Variants in ASAP1 observed in about 807,000 individuals in gnomAD.
ASAP1 encodes the protein arf-GAP with SH3 domain, ANK repeat and PH domain-containing protein 1.
ASAP1 carries 43 observed loss-of-function variants against 145.2 expected under a neutral mutation model. That is an observed-to-expected ratio of 0.30 (90% CI 0.23 to 0.38). ASAP1 has a LOEUF of 0.38. Ranked by LOEUF, ASAP1 falls within the 10% of genes least tolerant of loss-of-function variation. ASAP1 has a pLI of 1.00. For missense variants in ASAP1, 1,018 were observed against 1,355.3 expected, an observed-to-expected ratio of 0.75 and a Z score of 3.91; for synonymous variants, 546 against 515.5, an observed-to-expected ratio of 1.06 and a Z score of -0.80.
At chr8:130,126,152 C>G (rs2097574639) in intron 16 of ASAP1, 63 bp from the exon 17 acceptor site, 1 of 1,475,494 alleles carries the variant, frequency 6.8e-7, no homozygotes, top group African/African-American at 1.4e-5. Context: ...GTGCCAACTA[C>G]AGAGGAAGCT....
chr8:130,219,951 G>A (rs1381459688), intron 4 of ASAP1, among the ~76,000 whole-genome samples: 3 of 152,044 alleles, frequency 2.0e-5, no homozygotes, highest in Non-Finnish European at 1.5e-5. Context: ...CATCATGACC[G>A]GCTAATTTTT....
intron 26 of ASAP1, among the ~76,000 whole-genome samples, chr8:130,077,074 T>C (rs765893289): frequency 5.9e-5 from 9 of 152,140 alleles, no homozygotes; most frequent in Non-Finnish European, 7.4e-5. Context: ...AATGGGGGTG[T>C]TGGCGGCTGG....
intron 24 of ASAP1, among the ~76,000 whole-genome samples, chr8:130,106,240 C>T (rs1265055159): frequency 6.6e-6 from 1 of 152,168 alleles, no homozygotes; most frequent in Non-Finnish European, 1.5e-5. Context: ...AGGGTGACAG[C>T]CTATGAGAAG....
At chr8:130,343,963 A>G (rs963982301) in intron 3 of ASAP1, among the ~76,000 whole-genome samples, 11 of 152,240 alleles carry the variant, frequency 7.2e-5, no homozygotes, top group Non-Finnish European at 1.5e-4. Flanking sequence ...CTTATGGATG[A>G]CTTTTAAATT....
chr8:130,128,717 A>G (rs2097578939), intron 15 of ASAP1, among the ~76,000 whole-genome samples: 1 of 152,222 alleles, frequency 6.6e-6, no homozygotes, highest in South Asian at 2.1e-4. Context: ...TGTCCCAAAC[A>G]AAATAACCCT....
At chr8:130,119,281 T>C (rs1177824935) in intron 18 of ASAP1, among the ~76,000 whole-genome samples, 1 of 152,054 alleles carries the variant, frequency 6.6e-6, no homozygotes, top group Non-Finnish European at 1.5e-5. Flanking sequence ...AAACTAAGGC[T>C]CAGAAAGGCT....
chr8:130,284,534 G>T (rs982129244), intron 3 of ASAP1, among the ~76,000 whole-genome samples: 4 of 151,920 alleles, frequency 2.6e-5, no homozygotes, highest in Non-Finnish European at 5.9e-5. Flanking sequence ...AAACTAAAAG[G>T]GATGCGCCCA....
At position 130,128,038 on chromosome 8, in the gene ASAP1, G is replaced by C. The variant is rs565525997; in HGVS notation, c.1270C>G (p.Arg424Gly). ...SKEEALTMAF[R>G]GEQSAGENSL... is the part of the protein sequence containing the mutation. ...TTCTCTCCCGCACTCTGCTCTCCAC[G>C]GAAGGCCATGGTTAGGGCCTCTTCT... Residue 424 changes from arginine to glycine, a missense_variant, in exon 16 of 30, where the codon CGT (arginine) becomes GGT (glycine). Coordinates refer to ENST00000518721, the MANE Select transcript of ASAP1 (RefSeq NM_018482.4). 6.2e-7 allele frequency: 1 copy of C among 1,613,374 alleles called. No homozygotes were observed. Among genetic ancestry groups the C allele is most frequent in the East Asian group, 2.2e-5 (1 of 44,816 alleles).
intron 24 of ASAP1, among the ~76,000 whole-genome samples, chr8:130,093,207 T>C (rs1036950738): frequency 2.0e-5 from 3 of 152,176 alleles, no homozygotes; most frequent in Admixed American, 6.5e-5. Context: ...TTTTAAAAGC[T>C]GTTAAGGGAG....
chr8:130,371,999 T>C (rs1346098897), intron 2 of ASAP1, among the ~76,000 whole-genome samples: 2 of 152,234 alleles, frequency 1.3e-5, no homozygotes, highest in Non-Finnish European at 2.9e-5. Flanking sequence ...TTTTCCCAAC[T>C]AGTCCTCTGT....
intron 12 of ASAP1, among the ~76,000 whole-genome samples, chr8:130,154,132 C>A (rs1398815366): frequency 6.6e-6 from 1 of 152,140 alleles, no homozygotes; most frequent in Non-Finnish European, 1.5e-5. Context: ...TTAGCCAGGG[C>A]TCAAGAATGC....
At chr8:130,206,956 G>C (rs1816264065) in intron 5 of ASAP1, among the ~76,000 whole-genome samples, 1 of 151,968 alleles carries the variant, frequency 6.6e-6, no homozygotes, top group Non-Finnish European at 1.5e-5. Context: ...TGCTTAGCAA[G>C]TAATGATTTT....
intron 13 of ASAP1, chr8:130,152,528 C>T (rs1399246053): frequency 2.7e-6 from 1 of 375,258 alleles, no homozygotes; most frequent in Admixed American, 4.5e-5. Context: ...TTTGAGAGAG[C>T]AAAAAAACAA....
intron 2 of ASAP1, among the ~76,000 whole-genome samples, chr8:130,391,195 T>C (rs1828269156): frequency 6.6e-6 from 1 of 152,150 alleles, no homozygotes; most frequent in Admixed American, 6.5e-5. Context: ...AAATATTGTA[T>C]GATTCCACTT....
chr8:130,432,374 C>T (rs1201233095), intron 1 of ASAP1, among the ~76,000 whole-genome samples: 1 of 151,808 alleles, frequency 6.6e-6, no homozygotes, highest in Admixed American at 6.6e-5. Flanking sequence ...ATGATGGGAA[C>T]AGCAAGACTG....
chr8:130,285,947 C>T (rs1368660256), intron 3 of ASAP1, among the ~76,000 whole-genome samples: 1 of 152,128 alleles, frequency 6.6e-6, no homozygotes, highest in Non-Finnish European at 1.5e-5. Flanking sequence ...AATTTGCTAC[C>T]TGTCTTAACT....
intron 9 of ASAP1, among the ~76,000 whole-genome samples, chr8:130,173,572 C>T (rs1250384702): frequency 1.3e-5 from 2 of 152,058 alleles, no homozygotes; most frequent in Non-Finnish European, 1.5e-5. Flanking sequence ...TTGAGACCAG[C>T]CTGGACAACA....
At chr8:130,229,076 A>G (rs1459143291) in intron 4 of ASAP1, among the ~76,000 whole-genome samples, 1 of 152,198 alleles carries the variant, frequency 6.6e-6, no homozygotes, top group Non-Finnish European at 1.5e-5. Flanking sequence ...ATCCTCTATC[A>G]ACCTCTAAAT....
intron 4 of ASAP1, among the ~76,000 whole-genome samples, chr8:130,219,005 T>A (rs1817117678): frequency 6.6e-6 from 1 of 152,006 alleles, no homozygotes; most frequent in Non-Finnish European, 1.5e-5. Flanking sequence ...GGGGTAATAA[T>A]AACAATAATA....
Sources: gnomAD v4.1 joint callset for allele counts (sites outside exome capture counted in the v4.1 genomes callset) on GRCh38, gnomAD v4.1.1 for gene constraint, MANE v1.5 for transcripts, NCBI Gene and HGNC (gene_info 2026-07-23, HGNC 2026-07-21) for gene names.